INTS9: variants seen among roughly 807,000 people sequenced by gnomAD.
INTS9 encodes protein related to CPSF subunits of 74 kDa.
INTS9 carries 55 observed loss-of-function variants against 79.7 expected under a neutral mutation model. That is an observed-to-expected ratio of 0.69 (90% confidence interval 0.56 to 0.86). The LOEUF (loss-of-function observed/expected upper bound fraction) is 0.86, where lower values mean the gene tolerates loss of function less well. Ranked by LOEUF, INTS9 falls within the 40% of genes least tolerant of loss-of-function variation. INTS9 has a pLI of 0.00. For missense variants in INTS9, 721 were observed against 831.5 expected, an observed-to-expected ratio of 0.87 and a Z score of 1.64; for synonymous variants, 319 against 325.2, an observed-to-expected ratio of 0.98 and a Z score of 0.20.
chr8:28,785,376 T>G (rs1803528161), intron 11 of INTS9, among the ~76,000 whole-genome samples: 1 of 152,216 alleles, frequency 6.6e-6, no homozygotes, highest in Non-Finnish European at 1.5e-5. Context: ...TGCCAAATGG[T>G]GATTTTCTAA....
Position 28,839,279 on chromosome 8 carries a change from T to G in INTS9, c.262-1503A>C, listed in dbSNP as rs369137332. 1.8e-4 allele frequency among the ~76,000 whole-genome samples: 27 copies of G among 151,804 alleles called. No individual in the cohort carries two copies. The East Asian group carries it at 3.3e-3, about 18-fold the overall frequency. The stretch of plus-strand genomic sequence containing the variant: ...AGGAGAACTACAAACCACTGCTCAA[T>G]GAAATAAAAGAGGATACAAACAAAT... On this transcript the variant is annotated intron_variant, in intron 4 of 16. Transcript: ENST00000521022.
chr8:28,870,366 T>G (rs1240827468), intron 1 of INTS9, among the ~76,000 whole-genome samples: 3 of 148,742 alleles, frequency 2.0e-5, no homozygotes, highest in Non-Finnish European at 3.0e-5. Context: ...TTTTTTTTTT[T>G]TTTTTGAATA....
At chr8:28,824,261 A>C (rs1345737870) in intron 6 of INTS9, among the ~76,000 whole-genome samples, 1 of 152,156 alleles carries the variant, frequency 6.6e-6, no homozygotes, top group Non-Finnish European at 1.5e-5. Flanking sequence ...TACAAATGCA[A>C]ATCTCAAGAT....
intron 6 of INTS9, among the ~76,000 whole-genome samples, chr8:28,820,872 A>G (rs1805789962): frequency 6.6e-6 from 1 of 152,146 alleles, no homozygotes; most frequent in Non-Finnish European, 1.5e-5. Context: ...GGAGGATAGT[A>G]TGTAATGCAT....
chr8:28,770,033 CA>C lies in INTS9; in HGVS notation c.1663-8del. The C allele has an allele frequency of 6.2e-7, 1 of 1,613,186 alleles. No homozygotes were observed. The highest frequency in any genetic ancestry group is 8.5e-7 in the Non-Finnish European group (1 of 1,179,766). On this transcript the variant is annotated splice_polypyrimidine_tract_variant and splice_region_variant and intron_variant, in intron 15 of 16. Transcript: ENST00000521022. ...GGGCGGGCCGAGGAGGGGGCTAGAG[CA>C]GAAGGAAAGAGTGGCTTTCATGAGC...
chr8:28,828,801 C>T (rs371965985), intron 6 of INTS9, among the ~76,000 whole-genome samples: 9 of 151,948 alleles, frequency 5.9e-5, no homozygotes, highest in East Asian at 1.9e-4. Context: ...CAGGTTCAAG[C>T]GATTCTCCTG....
chr8:28,813,688 T>G (rs1419902920), intron 6 of INTS9, 76 bp from the exon 7 acceptor site: 9 of 1,496,794 alleles, frequency 6.0e-6, no homozygotes, highest in Non-Finnish European at 8.3e-6. Flanking sequence ...TAGTAATTTG[T>G]CCATTTGATC....
chr8:28,795,639 CAAAAAAAAAAAA>C (rs56910832), intron 9 of INTS9, among the ~76,000 whole-genome samples: 2 of 70,806 alleles, frequency 2.8e-5, no homozygotes, highest in Non-Finnish European at 2.5e-5. Flanking sequence ...GACTCCGTCT[CAAAAAAAAAAAA>C]AAAAAAAAAA....
intron 1 of INTS9, among the ~76,000 whole-genome samples, chr8:28,885,776 A>C (rs1487377975): frequency 6.6e-6 from 1 of 152,212 alleles, no homozygotes; most frequent in Non-Finnish European, 1.5e-5. Flanking sequence ...TCCTTAGCTG[A>C]ACTGGCCATC....
intron 1 of INTS9, among the ~76,000 whole-genome samples, chr8:28,889,579 C>T (rs1371244786): frequency 6.6e-6 from 1 of 152,136 alleles, no homozygotes; most frequent in Non-Finnish European, 1.5e-5. Flanking sequence ...GACGTCCAAA[C>T]CTGGTTAACA....
rs148036305 is a variant in INTS9 at position 28,801,315 on chromosome 8, C to A, written c.745-4660G>T. 1.8e-3 allele frequency among the ~76,000 whole-genome samples: 271 copies of A among 152,144 alleles called. 1 individual carries two copies. Among genetic ancestry groups the A allele is most frequent in the African/African-American group, 6.2e-3 (258 of 41,492 alleles). On this transcript the variant is annotated intron_variant, in intron 8 of 16. Transcript: ENST00000521022. The stretch of plus-strand genomic sequence containing the variant: ...CCAGCCTCAGCAACATGGCAAAACC[C>A]CATCTCTACAAAAAATACAAAAAAA...
intron 15 of INTS9, 117 bp downstream of exon 15, chr8:28,770,865 G>T: frequency 1.3e-6 from 1 of 781,284 alleles, no homozygotes; most frequent in Non-Finnish European, 2.1e-6. Context: ...CACATGGCCA[G>T]GGAAATAATT....
At chr8:28,829,478 G>A (rs536349875) in intron 6 of INTS9, among the ~76,000 whole-genome samples, 31 of 152,234 alleles carry the variant, frequency 2.0e-4, no homozygotes, top group Middle Eastern at 6.8e-3. Flanking sequence ...TTTTTGGTAC[G>A]TGTACTAATA....
intron 2 of INTS9, among the ~76,000 whole-genome samples, chr8:28,858,913 G>C (rs1165025911): frequency 6.6e-6 from 1 of 152,194 alleles, no homozygotes; most frequent in Admixed American, 6.5e-5. Context: ...CTAAGGCAAA[G>C]TCTTATTTAA....
chr8:28,862,714 T>C lies in INTS9; in HGVS notation c.10-3151A>G, dbSNP rs1055551156. 8.5e-5 allele frequency among the ~76,000 whole-genome samples: 13 copies of C among 152,230 alleles called. 1 individual carries two copies. The highest frequency in any genetic ancestry group is 1.8e-4 in the Non-Finnish European group (12 of 68,046). ...TTTCACTGCTCAAACCCATGAGCAT[T>C]ATATTCAAAACCATTTAGAATCTGT... On this transcript the variant is annotated intron_variant, in intron 1 of 16. Coordinates refer to ENST00000521022, the MANE Select transcript of INTS9 (RefSeq NM_018250.4).
At chr8:28,885,747 T>C (rs1810147386) in intron 1 of INTS9, among the ~76,000 whole-genome samples, 1 of 152,260 alleles carries the variant, frequency 6.6e-6, no homozygotes, top group African/African-American at 2.4e-5. Flanking sequence ...GTAAGGACCT[T>C]TGTGAATTCC....
intron 11 of INTS9, among the ~76,000 whole-genome samples, chr8:28,781,979 C>T (rs745336427): frequency 3.6e-4 from 55 of 152,178 alleles, no homozygotes; most frequent in Non-Finnish European, 6.6e-4. Flanking sequence ...AGCAAACGCA[C>T]CTCTCTGGTG....
chr8:28,809,027 G>A (rs576449406), intron 8 of INTS9, among the ~76,000 whole-genome samples: 40 of 151,408 alleles, frequency 2.6e-4, no homozygotes, highest in Non-Finnish European at 4.6e-4. Context: ...ATGGCTCACT[G>A]CAGCCTCAAC....
At position 28,838,299 on chromosome 8, in the gene INTS9, C is replaced by T. The variant is rs1234474207; in HGVS notation, c.262-523G>A. Among the ~76,000 whole-genome samples, 6 of 151,786 alleles carry T rather than the reference C, an allele frequency of 4.0e-5. No individual in the cohort carries two copies. In the South Asian group the frequency reaches 6.3e-4, roughly 16 times the overall value. ...TTAGTTTAGTGCTGGTTATAGAGCC[C>T]GCCCTAAAAAGCGTAGTGGCAGTCA... On this transcript the variant is annotated intron_variant, in intron 4 of 16. Coordinates refer to ENST00000521022, the MANE Select transcript of INTS9 (RefSeq NM_018250.4).
Sources: allele counts gnomAD v4.1 joint callset (sites outside exome capture counted in the v4.1 genomes callset), GRCh38; gene constraint gnomAD v4.1.1; transcripts MANE v1.5; gene names NCBI Gene and HGNC (gene_info 2026-07-23, HGNC 2026-07-21).